Variants in TRDN observed in about 807,000 individuals in gnomAD.
The protein encoded by TRDN is triadin in skeletal muscle.
A neutral mutation model predicts 149.7 loss-of-function variants in TRDN; 161 were observed. That is an observed-to-expected ratio of 1.08 (90% confidence interval 0.95 to 1.23). The LOEUF (loss-of-function observed/expected upper bound fraction) is 1.23, where lower values mean the gene tolerates loss of function less well. Among genes scored for constraint, TRDN ranks in the 50% most tolerant of loss-of-function variants. The probability of loss-of-function intolerance (pLI) is 0.00; values close to 1 mark genes in which losing one functional copy is unlikely to be tolerated. For missense variants in TRDN, 896 were observed against 823.5 expected (o/e 1.09, Z -1.08); for synonymous variants, 294 against 250.5 (o/e 1.17, Z -1.64).
chr6:123,223,598 A>C (rs369940868), intron 39 of TRDN, among the ~76,000 whole-genome samples: 5 of 151,824 alleles, frequency 3.3e-5, no homozygotes, highest in South Asian at 2.1e-4. Context: ...ACATCTGGAG[A>C]TCGCAGGTTT....
intron 12 of TRDN, among the ~76,000 whole-genome samples, chr6:123,424,746 C>G (rs1343832691): frequency 6.6e-6 from 1 of 152,066 alleles, no homozygotes; most frequent in Non-Finnish European, 1.5e-5. Context: ...CAGGTGTTAT[C>G]GTCGCCCTTC....
intron 2 of TRDN, among the ~76,000 whole-genome samples, chr6:123,567,898 TC>T (rs1211396562): frequency 1.3e-5 from 2 of 152,138 alleles, no homozygotes; most frequent in Non-Finnish European, 2.9e-5. Context: ...AATACAATCA[TC>T]CCCGACCAAT....
chr6:123,332,493 C>T (rs1779697815), intron 22 of TRDN, among the ~76,000 whole-genome samples: 1 of 151,930 alleles, frequency 6.6e-6, no homozygotes. Context: ...GTTGAAGTAA[C>T]TCAAATAAAA....
chr6:123,497,084 G>C, intron 9 of TRDN, 109 bp downstream of exon 9: 2 of 759,894 alleles, frequency 2.6e-6, no homozygotes, highest in Non-Finnish European at 4.0e-6. Context: ...ATCTACACAT[G>C]CATTATGCAA....
At chr6:123,353,859 A>G (rs1428101906) in intron 20 of TRDN, among the ~76,000 whole-genome samples, 7 of 151,836 alleles carry the variant, frequency 4.6e-5, no homozygotes, top group African/African-American at 1.7e-4. Flanking sequence ...TGTTAAACTA[A>G]AAGCAAATAA....
At chr6:123,227,805 T>C (rs1196906543) in intron 38 of TRDN, among the ~76,000 whole-genome samples, 1 of 151,946 alleles carries the variant, frequency 6.6e-6, no homozygotes, top group African/African-American at 2.4e-5. Context: ...TGGAGTGCAA[T>C]GACGCCATCC....
intron 25 of TRDN, 42 bp from the exon 26 acceptor site, chr6:123,278,389 GAT>G: frequency 8.8e-7 from 1 of 1,140,810 alleles, no homozygotes; most frequent in Non-Finnish European, 1.2e-6. Context: ...ATTATAGAAA[GAT>G]ATTCATTTCC....
chr6:123,579,058 A>G (rs1782993902), intron 1 of TRDN, among the ~76,000 whole-genome samples: 1 of 152,194 alleles, frequency 6.6e-6, no homozygotes, highest in Non-Finnish European at 1.5e-5. Context: ...GGCCAAGACT[A>G]TTGATATTTT....
chr6:123,401,079 A>G (rs766589972), intron 12 of TRDN, among the ~76,000 whole-genome samples: 15 of 152,202 alleles, frequency 9.9e-5, no homozygotes, highest in Non-Finnish European at 1.9e-4. Flanking sequence ...CCCATATTAT[A>G]TGCCTGACAA....
intron 14 of TRDN, among the ~76,000 whole-genome samples, chr6:123,382,743 G>A (rs1421103535): frequency 6.6e-6 from 1 of 151,788 alleles, no homozygotes; most frequent in Non-Finnish European, 1.5e-5. Flanking sequence ...TCTATTTCGT[G>A]GTCAAAAGAC....
At chr6:123,317,038 A>T (rs568926861) in intron 23 of TRDN, among the ~76,000 whole-genome samples, 1 of 151,928 alleles carries the variant, frequency 6.6e-6, no homozygotes, top group African/African-American at 2.4e-5. Flanking sequence ...TGTGACATAA[A>T]GTATCTTGTT....
At chr6:123,284,222 A>G (rs1777721128) in intron 24 of TRDN, among the ~76,000 whole-genome samples, 1 of 150,684 alleles carries the variant, frequency 6.6e-6, no homozygotes. Flanking sequence ...AAAGAAAACT[A>G]CAGATCAATA....
intron 12 of TRDN, among the ~76,000 whole-genome samples, chr6:123,432,627 C>T (rs780907355): frequency 6.0e-5 from 9 of 151,152 alleles, no homozygotes; most frequent in South Asian, 4.2e-4. Flanking sequence ...CTCCTACAGC[C>T]GTAATCCTTC....
At chr6:123,504,872 C>G (rs576670441) in intron 7 of TRDN, among the ~76,000 whole-genome samples, 2 of 152,176 alleles carry the variant, frequency 1.3e-5, no homozygotes, top group Non-Finnish European at 2.9e-5. Flanking sequence ...CTATACACCA[C>G]AGCAACTCTA....
intron 19 of TRDN, among the ~76,000 whole-genome samples, chr6:123,372,753 A>T (rs561513450): frequency 6.6e-6 from 1 of 152,224 alleles, no homozygotes; most frequent in East Asian, 1.9e-4. Context: ...AAAGCCATGA[A>T]GCACTCTACA....
chr6:123,463,239 A>G (rs1776568731), intron 10 of TRDN, among the ~76,000 whole-genome samples: 1 of 151,816 alleles, frequency 6.6e-6, no homozygotes, highest in African/African-American at 2.4e-5. Flanking sequence ...CGGGAGGCTG[A>G]GGCAGGAGAA....
intron 24 of TRDN, among the ~76,000 whole-genome samples, chr6:123,288,622 GAAA>G (rs1303749300): frequency 7.9e-5 from 12 of 151,960 alleles, no homozygotes; most frequent in African/African-American, 2.9e-4. Context: ...ACAGATATGT[GAAA>G]AGATGTTTGA....
At chr6:123,572,627 A>T (rs1218100920) in intron 1 of TRDN, among the ~76,000 whole-genome samples, 2 of 152,124 alleles carry the variant, frequency 1.3e-5, no homozygotes, top group African/African-American at 4.8e-5. Context: ...ATCCCAAATT[A>T]TACAGATGTG....
intron 38 of TRDN, among the ~76,000 whole-genome samples, chr6:123,234,211 G>T (rs947995019): frequency 1.3e-5 from 2 of 151,890 alleles, no homozygotes; most frequent in Non-Finnish European, 2.9e-5. Flanking sequence ...AATTTGTTTA[G>T]CAAAAACTAC....
Sources: gnomAD v4.1 joint callset for allele counts (sites outside exome capture counted in the v4.1 genomes callset) on GRCh38, gnomAD v4.1.1 for gene constraint, MANE v1.5 for transcripts, NCBI Gene and HGNC (gene_info 2026-07-23, HGNC 2026-07-21) for gene names.